PDGFC: variants seen among roughly 807,000 people sequenced by gnomAD.
PDGFC encodes platelet-derived growth factor C.
PDGFC carries 12 observed loss-of-function variants against 35.5 expected under a neutral mutation model. That is an observed-to-expected ratio of 0.34 (90% CI 0.22 to 0.55). The LOEUF is 0.55. PDGFC is among the 20% of genes least tolerant of loss of function. The pLI, the probability that PDGFC is intolerant of heterozygous loss-of-function variation, is 0.91. For synonymous variants in PDGFC, 159 were observed against 148.8 expected (o/e 1.07, Z -0.50); for missense variants, 322 against 412.4 (o/e 0.78, Z 1.90).
At chr4:156,815,261 C>A (rs756227295) in intron 2 of PDGFC, among the ~76,000 whole-genome samples, 1 of 149,612 alleles carries the variant, frequency 6.7e-6, no homozygotes. Flanking sequence ...TAATTTTTAT[C>A]GTCACACACA....
chr4:156,912,611 T>C (rs145863516), intron 1 of PDGFC, among the ~76,000 whole-genome samples: 1 of 152,108 alleles, frequency 6.6e-6, no homozygotes, highest in Non-Finnish European at 1.5e-5. Flanking sequence ...AAACTGACAG[T>C]ATTCTAGAAG....
At chr4:156,906,239 T>C (rs368865865) in intron 1 of PDGFC, among the ~76,000 whole-genome samples, 1 of 152,182 alleles carries the variant, frequency 6.6e-6, no homozygotes, top group Non-Finnish European at 1.5e-5. Flanking sequence ...CTCAGGTTTC[T>C]TAATGTCATA....
At chr4:156,931,247 T>C (rs963762786) in intron 1 of PDGFC, among the ~76,000 whole-genome samples, 2 of 152,224 alleles carry the variant, frequency 1.3e-5, no homozygotes, top group Admixed American at 1.3e-4. Context: ...TTAAAACTTT[T>C]TTGGCTTACC....
At chr4:156,957,313 C>T (rs1005086259) in intron 1 of PDGFC, among the ~76,000 whole-genome samples, 1 of 151,972 alleles carries the variant, frequency 6.6e-6, no homozygotes, top group Non-Finnish European at 1.5e-5. Flanking sequence ...CTCTTAAAAA[C>T]GTGATGTCTC....
At chr4:156,818,345 C>T (rs898849500) in intron 2 of PDGFC, among the ~76,000 whole-genome samples, 6 of 151,662 alleles carry the variant, frequency 4.0e-5, no homozygotes, top group Non-Finnish European at 8.8e-5. Context: ...ACTTTGTGTT[C>T]CTGGGTCACA....
chr4:156,780,128 T>C (rs1730938660), intron 3 of PDGFC, among the ~76,000 whole-genome samples: 2 of 150,580 alleles, frequency 1.3e-5, no homozygotes, highest in Admixed American at 6.6e-5. Flanking sequence ...TTTTTTTTTT[T>C]ACTAAAATTT....
At chr4:156,878,250 T>C (rs1035699302) in intron 1 of PDGFC, among the ~76,000 whole-genome samples, 1 of 151,874 alleles carries the variant, frequency 6.6e-6, no homozygotes, top group Non-Finnish European at 1.5e-5. Flanking sequence ...GGAGAGGAGG[T>C]AAAACTGAAA....
At chr4:156,943,772 A>G (rs1266706044) in intron 1 of PDGFC, among the ~76,000 whole-genome samples, 1 of 152,142 alleles carries the variant, frequency 6.6e-6, no homozygotes, top group African/African-American at 2.4e-5. Flanking sequence ...TACAAATTAG[A>G]GAATTAAGTG....
intron 1 of PDGFC, among the ~76,000 whole-genome samples, chr4:156,855,881 G>C (rs1240156218): frequency 6.6e-6 from 1 of 152,092 alleles, no homozygotes; most frequent in African/African-American, 2.4e-5. Context: ...CCATGAGCTG[G>C]TGTGTTTTTG....
chr4:156,827,173 T>C (rs1579038062), intron 2 of PDGFC, among the ~76,000 whole-genome samples: 1 of 152,176 alleles, frequency 6.6e-6, no homozygotes, highest in African/African-American at 2.4e-5. Flanking sequence ...ATTCCAGCAC[T>C]TTGGGAGGCC....
At chr4:156,965,109 C>T (rs968145036) in intron 1 of PDGFC, among the ~76,000 whole-genome samples, 1 of 152,184 alleles carries the variant, frequency 6.6e-6, no homozygotes, top group Non-Finnish European at 1.5e-5. Context: ...AAACGTGGTA[C>T]TCTGATTGGC....
At chr4:156,798,139 C>T (rs1731500387) in intron 3 of PDGFC, among the ~76,000 whole-genome samples, 1 of 152,148 alleles carries the variant, frequency 6.6e-6, no homozygotes, top group Non-Finnish European at 1.5e-5. Context: ...TTGCAGTGAG[C>T]CGAGATTGCA....
At chr4:156,894,540 A>C (rs973327600) in intron 1 of PDGFC, among the ~76,000 whole-genome samples, 6 of 152,218 alleles carry the variant, frequency 3.9e-5, no homozygotes, top group Admixed American at 1.3e-4. Flanking sequence ...TTCAGCAATA[A>C]TGCAATTAAT....
At chr4:156,929,034 A>G (rs997360367) in intron 1 of PDGFC, among the ~76,000 whole-genome samples, 3 of 152,228 alleles carry the variant, frequency 2.0e-5, no homozygotes, top group African/African-American at 7.2e-5. Flanking sequence ...AACAATCTCT[A>G]TACATGAATC....
chr4:156,891,377 G>C (rs1730506251), intron 1 of PDGFC, among the ~76,000 whole-genome samples: 2 of 144,312 alleles, frequency 1.4e-5, no homozygotes, highest in African/African-American at 5.0e-5. Context: ...TGTATATGCA[G>C]TTTGTTGTTG....
chr4:156,827,897 T>TAGGAAATA (rs1728819685), intron 2 of PDGFC, among the ~76,000 whole-genome samples: 1 of 152,088 alleles, frequency 6.6e-6, no homozygotes, highest in Admixed American at 6.5e-5. Flanking sequence ...GATTTGCTAT[T>TAGGAAATA]AGGAAATAAG....
chr4:156,970,757 A>G, intron 1 of PDGFC, 29 bp downstream of exon 1: 1 of 1,347,472 alleles, frequency 7.4e-7, no homozygotes, highest in Non-Finnish European at 1.1e-6. Context: ...GCGAGAAACA[A>G]GCAGGGGGAG....
chr4:156,922,888 C>T (rs78368258), intron 1 of PDGFC, among the ~76,000 whole-genome samples: 2 of 152,160 alleles, frequency 1.3e-5, no homozygotes, highest in Admixed American at 6.5e-5. Flanking sequence ...AAGAAAAGTG[C>T]CAAGCAATTC....
chr4:156,943,545 T>C (rs921793948), intron 1 of PDGFC, among the ~76,000 whole-genome samples: 1 of 152,094 alleles, frequency 6.6e-6, no homozygotes, highest in South Asian at 2.1e-4. Flanking sequence ...CAAAACCTCT[T>C]GCTTTAAATG....
Sources: allele counts gnomAD v4.1 joint callset (sites outside exome capture counted in the v4.1 genomes callset), GRCh38; gene constraint gnomAD v4.1.1; transcripts MANE v1.5; gene names NCBI Gene and HGNC (gene_info 2026-07-23, HGNC 2026-07-21).